The following CDH1 variants were observed in gnomAD, a reference collection of about 807,000 sequenced individuals.
The protein encoded by CDH1 is cadherin-1.
In CDH1, 35 loss-of-function variants were observed where a neutral mutation model predicts 84.5. That is an observed-to-expected ratio of 0.41 (90% CI 0.32 to 0.55). The LOEUF is 0.55. CDH1 is among the 20% of genes least tolerant of loss of function. CDH1 has a pLI of 0.19. For synonymous variants in CDH1, 417 were observed against 439.0 expected (o/e 0.95, Z 0.63); for missense variants, 994 against 1,126.6 (o/e 0.88, Z 1.68).
intron 2 of CDH1, among the ~76,000 whole-genome samples, chr16:68,773,063 C>T (rs1959625020): frequency 6.6e-6 from 1 of 152,102 alleles, no homozygotes; most frequent in Non-Finnish European, 1.5e-5. Context: ...AGGGTTGTGG[C>T]TTGTTATAAG....
intron 3 of CDH1, among the ~76,000 whole-genome samples, chr16:68,803,433 T>C (rs1208544801): frequency 6.6e-6 from 1 of 152,196 alleles, no homozygotes; most frequent in Admixed American, 6.5e-5. Flanking sequence ...ATTCTTGCTC[T>C]GTCTCCCAGG....
rs750979600 is a variant in CDH1, at chr16:68,810,314, G to C, written c.805G>C (p.Gly269Arg). 1 of 1,614,070 alleles carries C rather than the reference G, an allele frequency of 6.2e-7. No homozygotes were observed. Among genetic ancestry groups the C allele is most frequent in the East Asian group, 2.2e-5 (1 of 44,886 alleles). The stretch of plus-strand genomic sequence containing the variant: ...CGAATTCACCCAGGAGGTCTTTAAG[G>C]GGTCTGTCATGGAAGGTGCTCTTCC... The part of the protein sequence containing the change: ...KPEFTQEVFK[G>R]SVMEGALPGT... The change falls in exon 6 of 16, where the codon GGG becomes CGG. Residue 269 changes from glycine to arginine, a missense_variant. By Grantham distance (125) the Gly-to-Arg change is moderately radical. Around this residue, in one of 3 missense-constraint regions of CDH1, gnomAD observed 769 missense variants for 881.8 expected, o/e 0.87. Coordinates refer to ENST00000261769, the MANE Select transcript of CDH1 (RefSeq NM_004360.5).
intron 2 of CDH1, among the ~76,000 whole-genome samples, chr16:68,752,708 C>A (rs968561729): frequency 1.1e-4 from 16 of 152,088 alleles, no homozygotes; most frequent in African/African-American, 3.6e-4. Flanking sequence ...TCTGCACACC[C>A]CTGATGTAAC....
intron 2 of CDH1, among the ~76,000 whole-genome samples, chr16:68,771,887 GC>G (rs771222395): frequency 5.3e-5 from 8 of 152,092 alleles, no homozygotes; most frequent in Non-Finnish European, 1.0e-4. Context: ...AGCCCATTGA[GC>G]TTTTATTCTG....
intron 2 of CDH1, among the ~76,000 whole-genome samples, chr16:68,786,000 A>G (rs1235855985): frequency 3.3e-5 from 5 of 152,196 alleles, no homozygotes. Context: ...AGGCTGGAGA[A>G]CCACTGCTGG....
chr16:68,779,160 G>A (rs571110041), intron 2 of CDH1, among the ~76,000 whole-genome samples: 51 of 152,214 alleles, frequency 3.4e-4, no homozygotes, highest in Non-Finnish European at 5.1e-4. Context: ...AACACCGCCT[G>A]CCTCATCAGC....
At chr16:68,808,050 G>A (rs964417644) in intron 3 of CDH1, among the ~76,000 whole-genome samples, 3 of 152,194 alleles carry the variant, frequency 2.0e-5, no homozygotes, top group Non-Finnish European at 4.4e-5. Context: ...CCCAGCCTCA[G>A]TGATAGAGCC....
chr16:68,816,688 G>A (rs746164915), intron 10 of CDH1, among the ~76,000 whole-genome samples: 30 of 152,198 alleles, frequency 2.0e-4, no homozygotes, highest in Non-Finnish European at 4.0e-4. Flanking sequence ...AGCTGAGGTT[G>A]CAGTGAGCTG....
intron 2 of CDH1, among the ~76,000 whole-genome samples, chr16:68,745,549 A>ATATAT (rs1285099283): frequency 1.2e-4 from 9 of 75,178 alleles, no homozygotes; most frequent in African/African-American, 2.8e-4. Flanking sequence ...AAAAAAAAAA[A>ATATAT]ATATATATAT....
At chr16:68,826,417 G>T (rs1961324055) in intron 13 of CDH1, 1 of 152,288 alleles carries the variant, frequency 6.6e-6, no homozygotes, top group South Asian at 2.1e-4. Flanking sequence ...AAAGTGCTGG[G>T]ATTACAGGTG....
At position 68,737,297 on chromosome 16, in the gene CDH1, C is replaced by G. The variant is rs893677325; in HGVS notation, c.-119C>G. 1 of 772,816 alleles carries G rather than the reference C, an allele frequency of 1.3e-6. No individual in the cohort carries two copies. Among genetic ancestry groups the G allele is most frequent in the South Asian group, 1.8e-5 (1 of 56,742 alleles). 47.9% of individuals were successfully genotyped at this position (772,816 alleles called of 1,614,324 possible). ...GCAGCCACGCACCCCCTCTCAGTGG[C>G]GTCGGAACTGCAAAGCACCTGTGAG... On this transcript the variant is annotated 5_prime_UTR_variant, in exon 1 of 16. Transcript: ENST00000261769.
chr16:68,808,896 G>T (rs766263114), intron 5 of CDH1, 48 bp downstream of exon 5: 10 of 1,601,950 alleles, frequency 6.2e-6, no homozygotes, highest in Non-Finnish European at 8.5e-6. Flanking sequence ...CATCCACCCA[G>T]GATTTTTTGG....
At chr16:68,760,192 C>T (rs955739287) in intron 2 of CDH1, among the ~76,000 whole-genome samples, 1 of 149,070 alleles carries the variant, frequency 6.7e-6, no homozygotes, top group East Asian at 2.0e-4. Flanking sequence ...CTCTGCCTCC[C>T]GGGTTCATGC....
intron 7 of CDH1, 64 bp downstream of exon 7, chr16:68,811,923 C>A (rs2152132255): frequency 6.4e-7 from 1 of 1,574,316 alleles, no homozygotes; most frequent in Non-Finnish European, 8.7e-7. Flanking sequence ...ATCCCGTGGA[C>A]AAAGCAAAAT....
chr16:68,818,742 C>A (rs1243627457), intron 10 of CDH1, among the ~76,000 whole-genome samples: 1 of 149,528 alleles, frequency 6.7e-6, no homozygotes, highest in Non-Finnish European at 1.5e-5. Context: ...CCCAGCTACT[C>A]CGGAGGCTGA....
chr16:68,748,056 G>A (rs1226244679), intron 2 of CDH1, among the ~76,000 whole-genome samples: 2 of 150,242 alleles, frequency 1.3e-5, no homozygotes, highest in Non-Finnish European at 3.0e-5. Flanking sequence ...GAGCCACCGT[G>A]CCTGGCCCAT....
chr16:68,764,207 ACATCTTT>A (rs1201791490), intron 2 of CDH1, among the ~76,000 whole-genome samples: 2 of 152,214 alleles, frequency 1.3e-5, no homozygotes, highest in Non-Finnish European at 2.9e-5. Context: ...GATCATGTCT[ACATCTTT>A]CATCAGATTT....
chr16:68,809,912 A>G (rs1425236390), intron 5 of CDH1, among the ~76,000 whole-genome samples: 4 of 152,326 alleles, frequency 2.6e-5, no homozygotes, highest in African/African-American at 9.6e-5. Flanking sequence ...GCATGGAATA[A>G]GAGTTTTTCA....
At position 68,834,715 on chromosome 16, in the gene CDH1, G is replaced by A. The variant is rs1961592629; in HGVS notation, c.*1216G>A. ...ATCTCCTGAGTATGTAACTTGCAAT[G>A]GGCAGCTATCCAGTGACTTGTTCTG... is the stretch of plus-strand genomic sequence containing the variant. On this transcript the variant is annotated 3_prime_UTR_variant, in exon 16 of 16. Transcript: ENST00000261769. 4.3e-6 allele frequency: 1 copy of A among 233,806 alleles called. No homozygotes were observed. Among genetic ancestry groups the A allele is most frequent in the African/African-American group, 2.2e-5 (1 of 45,202 alleles). The allele number at this position is 233,806 out of a possible 1,614,324, so 14.5% of individuals were successfully genotyped here.
Sources: gnomAD v4.1 joint callset for allele counts (sites outside exome capture counted in the v4.1 genomes callset) on GRCh38, gnomAD v4.1.1 for gene constraint, gnomAD v4.1.1 regional missense constraint, MANE v1.5 for transcripts, NCBI Gene and HGNC (gene_info 2026-07-23, HGNC 2026-07-21) for gene names.